The following TMEM196 variants were observed in gnomAD, a reference collection of about 807,000 sequenced individuals.
TMEM196 encodes transmembrane protein 196.
A neutral mutation model predicts 20.0 loss-of-function variants in TMEM196; 17 were observed. That is an observed-to-expected ratio of 0.85 (90% CI 0.58 to 1.27). The LOEUF (loss-of-function observed/expected upper bound fraction) is 1.27, where lower values mean the gene tolerates loss of function less well. Ranked by LOEUF, TMEM196 falls within the 50% of genes most tolerant of loss-of-function variation. The pLI is 0.00. For synonymous variants in TMEM196, 113 were observed against 88.9 expected (o/e 1.27, Z -1.52); for missense variants, 267 against 223.0 (o/e 1.20, Z -1.26).
intron 1 of TMEM196, among the ~76,000 whole-genome samples, chr7:19,764,442 A>G (rs1420400792): frequency 6.6e-6 from 1 of 152,130 alleles, no homozygotes; most frequent in Non-Finnish European, 1.5e-5. Flanking sequence ...TCTCACCCTA[A>G]CAAGGCTGAT....
In TMEM196 at chr7:19,748,285, A is replaced by AAAAC. The variant is rs1554299474; in HGVS notation, c.148-18848_148-18847insGTTT. ...GTCCAAAAAAAAAAAAAAAAAAAAAAAAAAAACAGTGTAATGACAGAACTT... is the reference window on the plus strand; with the variant it reads ...GTCCAAAAAAAAAAAAAAAAAAAAAAAAACAAAAAACAGTGTAATGACAGAACTT... On this transcript the variant is annotated intron_variant, in intron 1 of 4. Transcript: ENST00000405844. Among the ~76,000 whole-genome samples the AAAAC allele has an allele frequency of 3.3e-4, 47 of 143,262 alleles. 2 individuals are homozygous for AAAAC. Among genetic ancestry groups the AAAAC allele is most frequent in the African/African-American group, 1.3e-3 (46 of 34,146 alleles). The allele number at this position is 143,262 out of a possible 152,430, so 94.0% of individuals were successfully genotyped here. A position where few individuals can be genotyped will look rare whatever the true frequency, so the allele number is the denominator to read the frequency against.
At position 19,772,790 on chromosome 7, in the gene TMEM196, C is replaced by A; in HGVS notation, c.-94G>T. 8.2e-7 allele frequency: 1 copy of A among 1,212,994 alleles called. No individual in the cohort carries two copies. Among genetic ancestry groups the A allele is most frequent in the Non-Finnish European group, 1.1e-6 (1 of 941,894 alleles). The allele number at this position is 1,212,994 out of a possible 1,614,324, so 75.1% of individuals were successfully genotyped here. A position where few individuals can be genotyped will look rare whatever the true frequency, so the allele number is the denominator to read the frequency against. On this transcript the variant is annotated 5_prime_UTR_variant, in exon 1 of 5. Coordinates refer to ENST00000405844, the MANE Select transcript of TMEM196 (RefSeq NM_001363562.2). ...TCCTCCTTACCCCTTCCACCCCCTA[C>A]CAGATCCCAAAACTTTTCTTTCTTC...
At chr7:19,772,450 T>C in intron 1 of TMEM196, 100 bp downstream of exon 1, 1 of 1,305,472 alleles carries the variant, frequency 7.7e-7, no homozygotes, top group Non-Finnish European at 1.0e-6. Flanking sequence ...ATGATTTTGT[T>C]TCCCAGGGAG....
intron 4 of TMEM196, among the ~76,000 whole-genome samples, chr7:19,722,847 A>G (rs1370125104): frequency 6.6e-6 from 1 of 152,172 alleles, no homozygotes; most frequent in East Asian, 1.9e-4. Context: ...GATGCTTTTA[A>G]TTCATATGTT....
intron 1 of TMEM196, among the ~76,000 whole-genome samples, chr7:19,769,307 A>G (rs1459508790): frequency 6.6e-6 from 1 of 152,000 alleles, no homozygotes; most frequent in East Asian, 1.9e-4. Flanking sequence ...GGGAAGGGGA[A>G]GTAAGAATGG....
chr7:19,745,859 T>C (rs1784733647), intron 1 of TMEM196, among the ~76,000 whole-genome samples: 2 of 151,508 alleles, frequency 1.3e-5, no homozygotes, highest in Admixed American at 6.6e-5. Flanking sequence ...TATGGGTTAT[T>C]TTAATAAAAA....
chr7:19,747,836 T>C (rs10239147), intron 1 of TMEM196, among the ~76,000 whole-genome samples: 24,417 of 152,158 alleles, frequency 0.16, 2,336 homozygotes, highest in East Asian at 0.43. Flanking sequence ...GTGATTGTGA[T>C]GCGATGGGAT....
intron 1 of TMEM196, among the ~76,000 whole-genome samples, chr7:19,733,512 G>A (rs6980015): frequency 0.46 from 70,448 of 152,060 alleles, 19,670 homozygotes; most frequent in East Asian, 0.91. Flanking sequence ...TGAGGGAGGT[G>A]TAAAGCCCTG....
At chr7:19,740,829 A>G (rs1158214272) in intron 1 of TMEM196, among the ~76,000 whole-genome samples, 2 of 152,162 alleles carry the variant, frequency 1.3e-5, no homozygotes, top group African/African-American at 2.4e-5. Context: ...AAAGTTCCAT[A>G]GAGTAGTTTA....
intron 1 of TMEM196, among the ~76,000 whole-genome samples, chr7:19,772,073 G>A (rs566865682): frequency 9.3e-4 from 142 of 152,214 alleles, no homozygotes; most frequent in Middle Eastern, 3.4e-3. Flanking sequence ...TGTACCTTGG[G>A]CATTATTGCC....
At chr7:19,742,943 C>A (rs1784628299) in intron 1 of TMEM196, among the ~76,000 whole-genome samples, 2 of 152,114 alleles carry the variant, frequency 1.3e-5, no homozygotes, top group African/African-American at 4.8e-5. Flanking sequence ...TCTTTCCATT[C>A]CCAGGTGTTA....
At chr7:19,769,390 G>C (rs145428252) in intron 1 of TMEM196, among the ~76,000 whole-genome samples, 15 of 152,012 alleles carry the variant, frequency 9.9e-5, no homozygotes, top group African/African-American at 3.4e-4. Context: ...AGTCTCCTAT[G>C]GTCTGGCCCC....
intron 1 of TMEM196, among the ~76,000 whole-genome samples, chr7:19,741,588 A>G (rs1439704542): frequency 6.6e-6 from 1 of 152,160 alleles, no homozygotes; most frequent in East Asian, 1.9e-4. Flanking sequence ...GACCTTCCAC[A>G]TGTCACAGTC....
At chr7:19,745,356 A>G (rs1407696864) in intron 1 of TMEM196, among the ~76,000 whole-genome samples, 1 of 152,122 alleles carries the variant, frequency 6.6e-6, no homozygotes, top group East Asian at 1.9e-4. Context: ...TATTGGAAAC[A>G]CCTTGTCACA....
In TMEM196 at chr7:19,720,361, A is replaced by C; in HGVS notation, c.*1767T>G. 6.6e-6 allele frequency: 1 copy of C among 152,030 alleles called. No individual in the cohort carries two copies. Among genetic ancestry groups the C allele is most frequent in the East Asian group, 1.9e-4 (1 of 5,198 alleles). The allele number at this position is 152,030 out of a possible 1,614,324, so 9.4% of individuals were successfully genotyped here. Reference sequence around the variant, plus strand: ...GATCATGTTGCTATAAAAGACCTTCAAATTTTCATTAACTTGAATGATCAT... The same window carrying C: ...GATCATGTTGCTATAAAAGACCTTCCAATTTTCATTAACTTGAATGATCAT... On this transcript the variant is annotated 3_prime_UTR_variant, in exon 5 of 5. Transcript: ENST00000405844.
At chr7:19,757,417 G>A (rs995414559) in intron 1 of TMEM196, among the ~76,000 whole-genome samples, 18 of 146,536 alleles carry the variant, frequency 1.2e-4, no homozygotes, top group Middle Eastern at 3.5e-3. Context: ...ACTTGACCAG[G>A]CTAGTCTTGA....
At chr7:19,749,885 G>A (rs982209691) in intron 1 of TMEM196, among the ~76,000 whole-genome samples, 5 of 152,110 alleles carry the variant, frequency 3.3e-5, no homozygotes, top group Admixed American at 6.5e-5. Context: ...ATCATAACTC[G>A]TCTGGCATAA....
At chr7:19,722,197 A>C in intron 4 of TMEM196, 63 bp from the exon 5 acceptor site, 7 of 1,402,232 alleles carry the variant, frequency 5.0e-6, no homozygotes, top group Non-Finnish European at 6.9e-6. Context: ...GTTTTGGTTA[A>C]TGAGTTTGCA....
chr7:19,768,399 C>T (rs147460559), intron 1 of TMEM196, among the ~76,000 whole-genome samples: 142 of 152,136 alleles, frequency 9.3e-4, no homozygotes, highest in African/African-American at 3.3e-3. Context: ...ATTTCCAAAT[C>T]TCAACCTACA....
Sources: gnomAD v4.1 joint callset for allele counts (sites outside exome capture counted in the v4.1 genomes callset) on GRCh38, gnomAD v4.1.1 for gene constraint, MANE v1.5 for transcripts, NCBI Gene and HGNC (gene_info 2026-07-23, HGNC 2026-07-21) for gene names.